Variants in GLS2 observed in about 807,000 individuals in gnomAD.
GLS2 encodes the protein glutaminase 2.
Under a neutral mutation model 79.0 loss-of-function variants are expected in GLS2, and 52 were observed. The ratio of observed to expected loss-of-function variants is 0.66; its 90% CI spans 0.53 to 0.83. The LOEUF is 0.83. Among genes scored for constraint, GLS2 ranks in the 40% least tolerant of loss-of-function variants. The probability of loss-of-function intolerance (pLI) is 0.00; values close to 1 mark genes in which losing one functional copy is unlikely to be tolerated. For missense variants in GLS2, 561 were observed against 764.8 expected, an observed-to-expected ratio of 0.73 and a Z score of 3.14; for synonymous variants, 238 against 280.8, an observed-to-expected ratio of 0.85 and a Z score of 1.52.
chr12:56,475,232 T>G, intron 9 of GLS2, 122 bp from the exon 10 acceptor site: 3 of 1,594,828 alleles, frequency 1.9e-6, no homozygotes, highest in Non-Finnish European at 2.6e-6. Flanking sequence ...AACCCCTTTA[T>G]AACTTCTCAC....
At chr12:56,475,475 T>C in intron 9 of GLS2, 149 bp downstream of exon 9, 2 of 775,182 alleles carry the variant, frequency 2.6e-6, no homozygotes, top group Non-Finnish European at 4.2e-6. Flanking sequence ...CAAATGTTTA[T>C]GAAGGGACTC....
At chr12:56,487,886 A>G (rs1222808080) in intron 1 of GLS2, 51 bp downstream of exon 1, 7 of 1,564,610 alleles carry the variant, frequency 4.5e-6, no homozygotes, top group Non-Finnish European at 5.2e-6. Context: ...AGCGAGAACC[A>G]CAGTGGGAGT....
intron 1 of GLS2, 74 bp downstream of exon 1, chr12:56,487,863 G>A: frequency 6.7e-7 from 1 of 1,488,860 alleles, no homozygotes; most frequent in East Asian, 2.4e-5. Flanking sequence ...CCTTGGAAGG[G>A]CACTCGGGAA....
At chr12:56,481,291 C>T (rs536350787) in intron 1 of GLS2, among the ~76,000 whole-genome samples, 228 of 150,466 alleles carry the variant, frequency 1.5e-3, no homozygotes, top group Middle Eastern at 0.01. Context: ...CTGCAACCTC[C>T]GCCTCCTGGG....
In GLS2 at chr12:56,477,660, C is replaced by T; in HGVS notation, c.837G>A (p.Lys279=). 1.2e-6 allele frequency: 2 copies of T among 1,613,242 alleles called. No individual in the cohort carries two copies. The highest frequency in any genetic ancestry group is 1.7e-6 in the Non-Finnish European group (2 of 1,179,646). ...AGAIVVSSLI[K]MDCNKAEKFD... ...ATCAGAAGGTTAAGGTGGCACTGACCTTGATCAGGGAGCTGACAACAATGG... is the reference window on the plus strand; with the variant it reads ...ATCAGAAGGTTAAGGTGGCACTGACTTTGATCAGGGAGCTGACAACAATGG... Residue 279 remains lysine, a splice_region_variant and synonymous_variant, in exon 7 of 18, where the codon AAG becomes AAA. Coordinates refer to ENST00000311966, the MANE Select transcript of GLS2 (RefSeq NM_013267.4).
rs770429028 is a variant in GLS2 at position 56,472,175 on chromosome 12, TC to T, written c.1531del (p.Asp511IlefsTer28). 1 of 1,614,188 alleles carries T rather than the reference TC, an allele frequency of 6.2e-7. No homozygotes were observed. The highest frequency in any genetic ancestry group is 2.2e-5 in the East Asian group (1 of 44,892). Reference sequence around the variant, plus strand: ...CGAGTCATAGTCTTTCTGTTCCATATCCATGGCTGACAAGGCAAACCTGAGG... The same window carrying T: ...CGAGTCATAGTCTTTCTGTTCCATATCATGGCTGACAAGGCAAACCTGAGG... ...ALRRFALSAM[D>X]MEQKDYDSRT... On this transcript the variant is annotated frameshift_variant, in exon 16 of 18. Transcript: ENST00000311966. LOFTEE classifies it high-confidence loss of function.
chr12:56,479,906 A>G lies in GLS2; in HGVS notation c.283-5T>C, dbSNP rs367900109. ...CAGTCCAGTGGCCTTTAGTGCCTTT[A>G]GAGGAAAGAAGAGGCCAGAAAGGTC... On this transcript the variant is annotated splice_polypyrimidine_tract_variant and splice_region_variant and intron_variant, in intron 2 of 17. Transcript: ENST00000311966. The G allele has an allele frequency of 6.2e-7, 1 of 1,611,782 alleles. No individual in the cohort carries two copies. Among genetic ancestry groups the G allele is most frequent in the Non-Finnish European group, 8.5e-7 (1 of 1,179,252 alleles).
chr12:56,473,191 T>C, intron 14 of GLS2, 37 bp downstream of exon 14: 1 of 1,596,330 alleles, frequency 6.3e-7, no homozygotes, highest in Non-Finnish European at 8.6e-7. Context: ...ACCTGGCCTT[T>C]GAAATATTCT....
rs1358995129 is a variant in GLS2, at chr12:56,474,739, G to A, written c.1048-19C>T. The A allele has an allele frequency of 1.2e-6, 2 of 1,609,048 alleles. No individual in the cohort carries two copies. The highest frequency in any genetic ancestry group is 1.7e-6 in the Non-Finnish European group (2 of 1,176,688). On this transcript the variant is annotated intron_variant, in intron 11 of 17. Transcript: ENST00000311966. ...AACACAGCTATGAAAACAAAGAATA[G>A]GTGAAGATGTGACGTGAACCTGCAC...
intron 14 of GLS2, 182 bp from the exon 15 acceptor site, chr12:56,472,933 G>A (rs1041761797): frequency 8.2e-6 from 5 of 611,742 alleles, no homozygotes; most frequent in East Asian, 2.9e-5. Flanking sequence ...TGTCGTTCAG[G>A]CTGAAGTGTA....
At chr12:56,485,782 C>T (rs1870633138) in intron 1 of GLS2, among the ~76,000 whole-genome samples, 1 of 151,946 alleles carries the variant, frequency 6.6e-6, no homozygotes, top group Non-Finnish European at 1.5e-5. Flanking sequence ...TGGCTCACGC[C>T]TATAATCCCA....
At chr12:56,473,684 A>G in intron 12 of GLS2, 90 bp from the exon 13 acceptor site, 1 of 1,472,048 alleles carries the variant, frequency 6.8e-7, no homozygotes, top group Non-Finnish European at 9.1e-7. Context: ...CAAGTTTACA[A>G]ATGACTGCAT....
Position 56,478,079 on chromosome 12 carries a change from G to T in GLS2, c.632C>A (p.Thr211Lys), listed in dbSNP as rs775153241. Residue 211 changes from threonine to lysine, a missense_variant, in exon 6 of 18, where the codon ACA (threonine) becomes AAA (lysine). By Grantham distance (78) the Thr-to-Lys change is moderately conservative. This residue lies in a region of GLS2 where 221 missense variants were observed against 275.6 expected (regional missense o/e 0.80). Transcript: ENST00000311966. Reference sequence around the variant, plus strand: ...GGACTGCAGGCAGAAGGGGATCTTTGTGTGGCCCACAGAGTGCCTGGAGGC... The same window carrying T: ...GGACTGCAGGCAGAAGGGGATCTTTTTGTGGCCCACAGAGTGCCTGGAGGC... The part of the protein sequence containing the change: ...VDGQRHSVGH[T>K]KIPFCLQSCV... 11 of 1,614,002 alleles carry T rather than the reference G, an allele frequency of 6.8e-6. No homozygotes were observed. Among genetic ancestry groups the T allele is most frequent in the African/African-American group, 1.3e-5 (1 of 74,950 alleles).
At chr12:56,486,508 G>T (rs1870697492) in intron 1 of GLS2, among the ~76,000 whole-genome samples, 1 of 152,182 alleles carries the variant, frequency 6.6e-6, no homozygotes, top group African/African-American at 2.4e-5. Flanking sequence ...TGATGGGAAA[G>T]TACTGTGTAA....
chr12:56,472,065 AAAAG>A (rs1474003931), intron 16 of GLS2, 50 bp downstream of exon 16: 15 of 1,582,832 alleles, frequency 9.5e-6, no homozygotes, highest in Admixed American at 3.4e-5. Flanking sequence ...CTTTTGGTGA[AAAAG>A]AAAGGGTCTT....
Position 56,479,920 on chromosome 12 carries a change from G to T in GLS2, c.283-19C>A, listed in dbSNP as rs1378845031. ...TTAGTGCCTTTAGAGGAAAGAAGAG[G>T]CCAGAAAGGTCAGCTACAAGGACAG... On this transcript the variant is annotated intron_variant, in intron 2 of 17. Coordinates refer to ENST00000311966, the MANE Select transcript of GLS2 (RefSeq NM_013267.4). The T allele has an allele frequency of 1.2e-6, 2 of 1,610,264 alleles. No individual in the cohort carries two copies. Among genetic ancestry groups the T allele is most frequent in the Non-Finnish European group, 1.7e-6 (2 of 1,178,314 alleles).
In GLS2 at chr12:56,479,112, C is replaced by T; in HGVS notation, c.474G>A (p.Glu158=). The T allele has an allele frequency of 6.2e-7, 1 of 1,614,070 alleles. No homozygotes were observed. The highest frequency in any genetic ancestry group is 8.5e-7 in the Non-Finnish European group (1 of 1,180,026). ...FRKKFVIPDF[E]EFTGHVDRIF... Reference sequence around the variant, plus strand: ...TGCGATCCACATGGCCCGTGAACTCCTCAAAATCAGGAATGACAAACTTCT... The same window carrying T: ...TGCGATCCACATGGCCCGTGAACTCTTCAAAATCAGGAATGACAAACTTCT... Residue 158 remains glutamate, a synonymous_variant, in exon 4 of 18, where the codon GAG becomes GAA. Coordinates refer to ENST00000311966, the MANE Select transcript of GLS2 (RefSeq NM_013267.4).
At position 56,478,103 on chromosome 12, in the gene GLS2, GCAGA is replaced by G; in HGVS notation, c.615-11_615-8del. ...TGTGTGGCCCACAGAGTGCCTGGAG[GCAGA>G]CAGATGCCATGAAAGGGGTTGGCCT... is the stretch of plus-strand genomic sequence containing the variant. On this transcript the variant is annotated splice_region_variant and splice_polypyrimidine_tract_variant and intron_variant, in intron 5 of 17. Coordinates refer to ENST00000311966, the MANE Select transcript of GLS2 (RefSeq NM_013267.4). 1 of 1,614,040 alleles carries G rather than the reference GCAGA, an allele frequency of 6.2e-7. No homozygotes were observed. Among genetic ancestry groups the G allele is most frequent in the South Asian group, 1.1e-5 (1 of 91,084 alleles).
rs1794343692 is a variant in GLS2, at chr12:56,471,798, T to C, written c.1627A>G (p.Lys543Glu). 6.2e-7 allele frequency: 1 copy of C among 1,614,012 alleles called. No homozygotes were observed. Among genetic ancestry groups the C allele is most frequent in the South Asian group, 1.1e-5 (1 of 91,074 alleles). Residue 543 changes from lysine (K) to glutamate (E), a missense_variant, in exon 17 of 18, where the codon AAA becomes GAA. Physicochemically the swap from Lys to Glu is moderately conservative, Grantham distance 56. Coordinates refer to ENST00000311966, the MANE Select transcript of GLS2 (RefSeq NM_013267.4). ...CTGTCCTTGGCAAAAGGATTCACTT[T>C]GCAAGCCTCGATCAGGAATTTAACA... ...EVVKFLIEAC[K>E]VNPFAKDRWG...
Sources: gnomAD v4.1 joint callset for allele counts (sites outside exome capture counted in the v4.1 genomes callset) on GRCh38, gnomAD v4.1.1 for gene constraint, gnomAD v4.1.1 regional missense constraint, MANE v1.5 for transcripts, NCBI Gene and HGNC (gene_info 2026-07-23, HGNC 2026-07-21) for gene names.